MIS18BP1: variants seen among roughly 807,000 people sequenced by gnomAD.
MIS18BP1 encodes mis18-binding protein 1.
Under a neutral mutation model 116.1 loss-of-function variants are expected in MIS18BP1, and 72 were observed. The ratio of observed to expected loss-of-function variants is 0.62; its 90% CI spans 0.51 to 0.75. The LOEUF is 0.75. MIS18BP1 is among the 30% of genes least tolerant of loss of function. The pLI, the probability that MIS18BP1 is intolerant of heterozygous loss-of-function variation, is 0.00. For missense variants in MIS18BP1, 1,363 were observed against 1,303.2 expected (o/e 1.05, Z -0.71); for synonymous variants, 386 against 427.0 (o/e 0.90, Z 1.18).
chr14:45,250,902 T>C (rs1332646209), intron 1 of MIS18BP1, among the ~76,000 whole-genome samples: 1 of 152,116 alleles, frequency 6.6e-6, no homozygotes. Flanking sequence ...CCGGGCGTGG[T>C]GACACGCGCC....
Position 45,224,014 on chromosome 14 carries a change from A to C in MIS18BP1, c.2573T>G (p.Val858Gly), listed in dbSNP as rs550862459. The C allele has an allele frequency of 6.2e-7, 1 of 1,613,688 alleles. No homozygotes were observed. Among genetic ancestry groups the C allele is most frequent in the African/African-American group, 1.3e-5 (1 of 74,904 alleles). ...VRKEFPITEA[V>G]GSDKTNRHPL... ...ATGCCTATTTGTCTTATCAGATCCT[A>C]CTGCCTCAGTAATTGGAAACTCTTT... Residue 858 changes from valine (V) to glycine (G), a missense_variant, in exon 11 of 17, where the codon GTA becomes GGA. Physicochemically the swap from Val to Gly is moderately radical, Grantham distance 109 (BLOSUM62 -3). Coordinates refer to ENST00000310806, the MANE Select transcript of MIS18BP1 (RefSeq NM_018353.5).
At chr14:45,218,209 A>C (rs1394385228) in intron 12 of MIS18BP1, 73 bp downstream of exon 12, 1 of 1,428,558 alleles carries the variant, frequency 7.0e-7, no homozygotes, top group Non-Finnish European at 9.6e-7. Context: ...GATAAATATA[A>C]AATATATCTG....
At position 45,226,865 on chromosome 14, in the gene MIS18BP1, A is replaced by G. The variant is rs778766732; in HGVS notation, c.1747-29T>C. ...CAAAACAAAAAGATACCTAGGTTTT[A>G]TTTTAAAACTACTACCAAAACATGA... On this transcript the variant is annotated intron_variant, in intron 9 of 16. Coordinates refer to ENST00000310806, the MANE Select transcript of MIS18BP1 (RefSeq NM_018353.5). The G allele has an allele frequency of 3.3e-5, 43 of 1,308,712 alleles. No homozygotes were observed. In the South Asian group the frequency reaches 4.9e-4, roughly 15 times the overall value. The allele number at this position is 1,308,712 out of a possible 1,614,324, so 81.1% of individuals were successfully genotyped here. A position where few individuals can be genotyped will look rare whatever the true frequency, so the allele number is the denominator to read the frequency against.
intron 7 of MIS18BP1, chr14:45,232,416 C>CAAAAAAAAAAAAAAAA (rs532665472): frequency 1.6e-4 from 15 of 96,032 alleles, no homozygotes; most frequent in African/African-American, 2.9e-4. Flanking sequence ...GATTCCATCT[C>CAAAAAAAAAAAAAAAA]AAAAAAAAAA....
chr14:45,206,072 A>G lies in MIS18BP1; in HGVS notation c.3240+11T>C, dbSNP rs896285164. On this transcript the variant is annotated intron_variant, in intron 15 of 16. Coordinates refer to ENST00000310806, the MANE Select transcript of MIS18BP1 (RefSeq NM_018353.5). ...TTCATAGATATGTATTGGATAAAGA[A>G]AAATACTTACTAATTTTTTCTTGAT... is the stretch of plus-strand genomic sequence containing the variant. 1 of 1,553,188 alleles carries G rather than the reference A, an allele frequency of 6.4e-7. No individual in the cohort carries two copies. Among genetic ancestry groups the G allele is most frequent in the Non-Finnish European group, 8.9e-7 (1 of 1,128,596 alleles).
intron 13 of MIS18BP1, among the ~76,000 whole-genome samples, chr14:45,212,467 G>A (rs1890703048): frequency 6.6e-6 from 1 of 152,106 alleles, no homozygotes; most frequent in South Asian, 2.1e-4. Context: ...CCCCCCACCA[G>A]GAATGTTGTT....
intron 11 of MIS18BP1, among the ~76,000 whole-genome samples, chr14:45,219,785 T>G (rs367989019): frequency 1.3e-5 from 2 of 152,216 alleles, no homozygotes; most frequent in East Asian, 1.9e-4. Flanking sequence ...ACTTGGGAAC[T>G]CAAGCTTCTC....
At chr14:45,208,043 C>T (rs1393909280) in intron 14 of MIS18BP1, among the ~76,000 whole-genome samples, 1 of 152,116 alleles carries the variant, frequency 6.6e-6, no homozygotes, top group Admixed American at 6.5e-5. Context: ...AAGAAATTTC[C>T]TTCCTTACGA....
chr14:45,208,330 G>GTTTTT (rs1166566812), intron 14 of MIS18BP1, among the ~76,000 whole-genome samples: 5 of 120,942 alleles, frequency 4.1e-5, no homozygotes, highest in Admixed American at 9.0e-5. Context: ...GGATGAAGTT[G>GTTTTT]TTTTTTTTTT....
intron 11 of MIS18BP1, among the ~76,000 whole-genome samples, chr14:45,221,221 G>A (rs1333250272): frequency 3.9e-5 from 6 of 152,012 alleles, no homozygotes; most frequent in African/African-American, 1.4e-4. Context: ...GGAGGATCAC[G>A]AGGTCAGGAG....
At chr14:45,226,353 G>C (rs544608400) in intron 10 of MIS18BP1, among the ~76,000 whole-genome samples, 10 of 152,204 alleles carry the variant, frequency 6.6e-5, no homozygotes, top group Middle Eastern at 3.4e-3. Context: ...ACATTTAGAC[G>C]AAAGCCTCTA....
At chr14:45,207,759 T>C (rs1890558355) in intron 14 of MIS18BP1, among the ~76,000 whole-genome samples, 3 of 152,228 alleles carry the variant, frequency 2.0e-5, no homozygotes, top group Admixed American at 2.0e-4. Context: ...TGAAGTGATA[T>C]AACTGTTTGA....
chr14:45,238,253 T>C (rs1891480410), intron 4 of MIS18BP1, among the ~76,000 whole-genome samples: 1 of 152,088 alleles, frequency 6.6e-6, no homozygotes, highest in African/African-American at 2.4e-5. Context: ...CTTTATTATC[T>C]TACTACAAGT....
intron 8 of MIS18BP1, among the ~76,000 whole-genome samples, chr14:45,228,095 C>T (rs992612991): frequency 6.6e-6 from 1 of 151,900 alleles, no homozygotes; most frequent in Non-Finnish European, 1.5e-5. Flanking sequence ...CCAGGGAGGT[C>T]GAGGCTGCAG....
At position 45,224,149 on chromosome 14, in the gene MIS18BP1, A is replaced by G. The variant is rs1444354849; in HGVS notation, c.2438T>C (p.Ile813Thr). 6.2e-7 allele frequency: 1 copy of G among 1,613,750 alleles called. No homozygotes were observed. Among genetic ancestry groups the G allele is most frequent in the African/African-American group, 1.3e-5 (1 of 74,890 alleles). The change falls in exon 11 of 17, where the codon ATT becomes ACT. Residue 813 changes from isoleucine (I) to threonine (T), a missense_variant. Transcript: ENST00000310806. ...LRKSTRNTSNIPVILEPETEE... is the reference protein window; with the variant it reads ...LRKSTRNTSNTPVILEPETEE... ...AGTTTCAGGTTCCAAAATCACTGGA[A>G]TATTACTTGTGTTTCTTGTGCTCTT...
At chr14:45,227,568 G>C (rs1345623010) in intron 9 of MIS18BP1, 95 bp downstream of exon 9, 1 of 796,720 alleles carries the variant, frequency 1.3e-6, no homozygotes, top group Non-Finnish European at 1.9e-6. Context: ...AAAAAAAACA[G>C]AACTCACGTC....
intron 14 of MIS18BP1, among the ~76,000 whole-genome samples, chr14:45,208,312 G>A (rs563436219): frequency 6.0e-5 from 9 of 151,096 alleles, no homozygotes; most frequent in African/African-American, 1.5e-4. Flanking sequence ...AAAATTCAAC[G>A]GCCAAAAGGA....
At chr14:45,242,996 A>G (rs1891627014) in intron 2 of MIS18BP1, 122 bp from the exon 3 acceptor site, 1 of 611,554 alleles carries the variant, frequency 1.6e-6, no homozygotes, top group South Asian at 2.4e-5. Context: ...CCAGTATAGT[A>G]CTTTTGCAAT....
At chr14:45,223,529 T>C (rs1259436179) in intron 11 of MIS18BP1, among the ~76,000 whole-genome samples, 1 of 152,140 alleles carries the variant, frequency 6.6e-6, no homozygotes, top group Non-Finnish European at 1.5e-5. Context: ...GTAACCGGGA[T>C]TGTGGCATTG....
Sources: allele counts gnomAD v4.1 joint callset (sites outside exome capture counted in the v4.1 genomes callset), GRCh38; gene constraint gnomAD v4.1.1; transcripts MANE v1.5; gene names NCBI Gene and HGNC (gene_info 2026-07-23, HGNC 2026-07-21).